Variants in SEC14L6 observed in about 807,000 individuals in gnomAD.
SEC14L6 encodes SEC14-like protein 6.
In SEC14L6, 40 loss-of-function variants were observed where a neutral mutation model predicts 54.1. The ratio of observed to expected loss-of-function variants is 0.74; its 90% CI spans 0.57 to 0.96. The LOEUF is 0.96. Among genes scored for constraint, SEC14L6 ranks in the 40% least tolerant of loss-of-function variants. The pLI, the probability that SEC14L6 is intolerant of heterozygous loss-of-function variation, is 0.00. For synonymous variants in SEC14L6, 171 were observed against 198.4 expected (o/e 0.86, Z 1.16); for missense variants, 471 against 498.3 (o/e 0.95, Z 0.52).
intron 8 of SEC14L6, 81 bp downstream of exon 8, chr22:30,529,006 C>T (rs1267974181): frequency 4.9e-6 from 6 of 1,228,242 alleles, no homozygotes; most frequent in African/African-American, 4.5e-5. Context: ...CCTTCGGATG[C>T]AGGAACCATC....
intron 1 of SEC14L6, among the ~76,000 whole-genome samples, chr22:30,541,183 A>T (rs1259227026): frequency 7.0e-6 from 1 of 142,022 alleles, no homozygotes; most frequent in South Asian, 2.3e-4. Flanking sequence ...AATTCAAGAA[A>T]CACAACTTTT....
At chr22:30,544,304 C>G (rs2085776090) in intron 1 of SEC14L6, 1 of 425,538 alleles carries the variant, frequency 2.3e-6, no homozygotes, top group Non-Finnish European at 4.3e-6. Flanking sequence ...GCTGACGTTG[C>G]CAAACCAGCC....
rs889036524 is a variant in SEC14L6 at position 30,524,347 on chromosome 22, T to C, written c.*650A>G. 3.9e-5 allele frequency: 6 copies of C among 152,160 alleles called. No individual in the cohort carries two copies. The highest frequency in any genetic ancestry group is 1.4e-4 in the African/African-American group (6 of 41,440). The allele number at this position is 152,160 out of a possible 1,614,324, so 9.4% of individuals were successfully genotyped here. A position where few individuals can be genotyped will look rare whatever the true frequency, so the allele number is the denominator to read the frequency against. ...TAATTATTTCCTGATCTGTCAGCTATACTATATTTCAAATTTCCTATTAAT... is the reference window on the plus strand; with the variant it reads ...TAATTATTTCCTGATCTGTCAGCTACACTATATTTCAAATTTCCTATTAAT... On this transcript the variant is annotated 3_prime_UTR_variant, in exon 12 of 12. Transcript: ENST00000402034.
intron 1 of SEC14L6, chr22:30,543,142 T>G: frequency 6.2e-7 from 1 of 1,603,746 alleles, no homozygotes; most frequent in East Asian, 2.2e-5. Context: ...GAATCAGCTC[T>G]CAGACTTCCA....
At chr22:30,533,029 G>A (rs1601888004) in intron 3 of SEC14L6, 173 bp from the exon 4 acceptor site, 4 of 985,242 alleles carry the variant, frequency 4.1e-6, no homozygotes, top group African/African-American at 1.7e-5. Context: ...GGGATGGAAG[G>A]GGACATGCAT....
chr22:30,544,796 G>C (rs1398757120), intron 1 of SEC14L6, among the ~76,000 whole-genome samples: 2 of 152,172 alleles, frequency 1.3e-5, no homozygotes, highest in African/African-American at 4.8e-5. Flanking sequence ...TGCCCCTCCA[G>C]CTAGCACTAA....
chr22:30,525,167 G>C (rs1936722959), intron 11 of SEC14L6, 58 bp from the exon 12 acceptor site: 2 of 1,285,470 alleles, frequency 1.6e-6, no homozygotes, highest in East Asian at 2.5e-5. Context: ...TGACTTCCAT[G>C]GTGGTAAATC....
rs768113173 is a variant in SEC14L6, at chr22:30,538,821, C to T, written c.130+6G>A. 2 of 1,551,940 alleles carry T rather than the reference C, an allele frequency of 1.3e-6. No individual in the cohort carries two copies. The highest frequency in any genetic ancestry group is 1.7e-6 in the Non-Finnish European group (2 of 1,145,658). On this transcript the variant is annotated splice_donor_region_variant and intron_variant, in intron 2 of 11. Transcript: ENST00000402034. ...ACCCTACCCCAGCCCCACGCTCTAT[C>T]CTTACCTTGGAGCCAGCGCAGGAGG...
intron 1 of SEC14L6, chr22:30,543,962 A>G: frequency 6.2e-7 from 1 of 1,606,108 alleles, no homozygotes; most frequent in Non-Finnish European, 8.5e-7. Context: ...CCTGCGTCGG[A>G]GGACACCCTC....
At chr22:30,545,714 C>T (rs1216289862) in intron 1 of SEC14L6, among the ~76,000 whole-genome samples, 1 of 152,238 alleles carries the variant, frequency 6.6e-6, no homozygotes, top group Non-Finnish European at 1.5e-5. Flanking sequence ...GCCCGAGCTA[C>T]TGCACCAGAC....
intron 3 of SEC14L6, chr22:30,533,170 C>T: frequency 1.0e-6 from 1 of 982,490 alleles, no homozygotes; most frequent in Non-Finnish European, 1.2e-6. Context: ...ACTCTACTTC[C>T]TGACTTCCAG....
intron 6 of SEC14L6, among the ~76,000 whole-genome samples, chr22:30,529,767 GT>G (rs1406456998): frequency 6.6e-6 from 1 of 152,120 alleles, no homozygotes; most frequent in South Asian, 2.1e-4. Context: ...TGACAGATGA[GT>G]GGGGGGATAA....
At chr22:30,544,234 C>A (rs184853498) in intron 1 of SEC14L6, 4 of 569,250 alleles carry the variant, frequency 7.0e-6, no homozygotes, top group Non-Finnish European at 1.2e-5. Flanking sequence ...TCTCTCCCCA[C>A]CCCTCCTTGG....
At chr22:30,527,828 G>A (rs749382473) in intron 8 of SEC14L6, among the ~76,000 whole-genome samples, 5 of 151,140 alleles carry the variant, frequency 3.3e-5, no homozygotes, top group Non-Finnish European at 5.9e-5. Context: ...GTGTACAAAG[G>A]TTATCTATAA....
At position 30,524,249 on chromosome 22, in the gene SEC14L6, C is replaced by A. The variant is rs1377726913; in HGVS notation, c.*748G>T. The A allele has an allele frequency of 6.6e-6, 1 of 152,208 alleles. No individual in the cohort carries two copies. The highest frequency in any genetic ancestry group is 1.5e-5 in the Non-Finnish European group (1 of 68,036). 9.4% of individuals were successfully genotyped at this position (152,208 alleles called of 1,614,324 possible). ...TCGGCCCTGATGCCTCCCTGGGGACCCCTCCTCTTCCCCCTATGGCACAGC... is the reference window on the plus strand; with the variant it reads ...TCGGCCCTGATGCCTCCCTGGGGACACCTCCTCTTCCCCCTATGGCACAGC... On this transcript the variant is annotated 3_prime_UTR_variant, in exon 12 of 12. Coordinates refer to ENST00000402034, the MANE Select transcript of SEC14L6 (RefSeq NM_001193336.4).
rs978205334 is a variant in SEC14L6, at chr22:30,532,560, G to C, written c.388C>G (p.Leu130Val). 20 of 1,550,384 alleles carry C rather than the reference G, an allele frequency of 1.3e-5. No homozygotes were observed. The highest frequency in any genetic ancestry group is 1.7e-4 in the Middle Eastern group (1 of 6,012). The change falls in exon 5 of 12, where the codon CTG becomes GTG. Residue 130 changes from leucine to valine, a missense_variant. Transcript: ENST00000402034. ...LLRDSFRSCE[L>V]LLRECELQSQ... ...TGCAGCTCACACTCCCGCAGGAGCAGCTCGCAGCTCCGGAAGCTGTCCCTG... is the reference window on the plus strand; with the variant it reads ...TGCAGCTCACACTCCCGCAGGAGCACCTCGCAGCTCCGGAAGCTGTCCCTG...
At chr22:30,526,003 C>T (rs1936768345) in intron 8 of SEC14L6, 71 bp from the exon 9 acceptor site, 1 of 1,531,218 alleles carries the variant, frequency 6.5e-7, no homozygotes, top group East Asian at 2.4e-5. Flanking sequence ...GGGCTGAGCC[C>T]AGGTCTGTCC....
intron 2 of SEC14L6, among the ~76,000 whole-genome samples, chr22:30,538,248 G>T (rs569241032): frequency 1.3e-5 from 2 of 151,744 alleles, no homozygotes; most frequent in Non-Finnish European, 2.9e-5. Flanking sequence ...CACAAGAATT[G>T]CTTGAATCTG....
At chr22:30,526,055 C>T in intron 8 of SEC14L6, 123 bp from the exon 9 acceptor site, 1 of 1,160,948 alleles carries the variant, frequency 8.6e-7, no homozygotes, top group Non-Finnish European at 1.3e-6. Context: ...TTTTGCCACT[C>T]CATTGCCTAG....
Sources: allele counts gnomAD v4.1 joint callset (sites outside exome capture counted in the v4.1 genomes callset), GRCh38; gene constraint gnomAD v4.1.1; transcripts MANE v1.5; gene names NCBI Gene and HGNC (gene_info 2026-07-23, HGNC 2026-07-21).